SMAD9: variants seen among roughly 807,000 people sequenced by gnomAD.
The protein encoded by SMAD9 is SMAD family member 9, also known as MAD homolog 9.
SMAD9 carries 36 observed loss-of-function variants against 46.1 expected under a neutral mutation model. The ratio of observed to expected loss-of-function variants is 0.78; its 90% confidence interval spans 0.60 to 1.03. The LOEUF is 1.03. Ranked by LOEUF, SMAD9 falls within the 50% of genes least tolerant of loss-of-function variation. The pLI, the probability that SMAD9 is intolerant of heterozygous loss-of-function variation, is 0.00. For synonymous variants in SMAD9, 245 were observed against 237.1 expected (o/e 1.03, Z -0.31); for missense variants, 572 against 599.8 (o/e 0.95, Z 0.48).
chr13:36,876,149 C>T (rs519447), intron 2 of SMAD9, among the ~76,000 whole-genome samples: 16,180 of 152,160 alleles, frequency 0.11, 2,342 homozygotes, highest in African/African-American at 0.32. Context: ...CACTTTTAAA[C>T]ACCATGCTAT....
chr13:36,874,886 T>C (rs1049024017), intron 2 of SMAD9, among the ~76,000 whole-genome samples: 1 of 123,408 alleles, frequency 8.1e-6, no homozygotes, highest in Non-Finnish European at 1.9e-5. Context: ...AAAATACATA[T>C]ATATATATGT....
At chr13:36,889,600 T>C (rs1213820327) in intron 1 of SMAD9, among the ~76,000 whole-genome samples, 1 of 152,230 alleles carries the variant, frequency 6.6e-6, no homozygotes, top group Non-Finnish European at 1.5e-5. Flanking sequence ...ATTGAAATTT[T>C]ATGTATACAC....
chr13:36,894,898 G>C (rs1432278973), intron 1 of SMAD9, among the ~76,000 whole-genome samples: 1 of 152,060 alleles, frequency 6.6e-6, no homozygotes, highest in Non-Finnish European at 1.5e-5. Flanking sequence ...CACACCCCAA[G>C]AACACTACTT....
At chr13:36,885,357 C>A (rs1249603153) in intron 1 of SMAD9, among the ~76,000 whole-genome samples, 2 of 151,918 alleles carry the variant, frequency 1.3e-5, no homozygotes, top group Non-Finnish European at 2.9e-5. Context: ...TATTACCGTA[C>A]AACTTGAGAA....
At chr13:36,875,459 T>C (rs1316000152) in intron 2 of SMAD9, among the ~76,000 whole-genome samples, 1 of 152,218 alleles carries the variant, frequency 6.6e-6, no homozygotes, top group Non-Finnish European at 1.5e-5. Context: ...ATTGTATACG[T>C]ATGCTGCCTT....
intron 1 of SMAD9, among the ~76,000 whole-genome samples, chr13:36,895,274 G>A (rs1460797737): frequency 6.6e-6 from 1 of 152,130 alleles, no homozygotes; most frequent in Non-Finnish European, 1.5e-5. Flanking sequence ...ATGACTAAGA[G>A]GAAACCCCTT....
chr13:36,855,943 C>G (rs77888569), intron 5 of SMAD9, among the ~76,000 whole-genome samples: 71 of 152,302 alleles, frequency 4.7e-4, no homozygotes, highest in African/African-American at 1.7e-3. Flanking sequence ...GGCTCCCCTT[C>G]TCCGCTTCCC....
At chr13:36,905,970 C>G (rs182553730) in intron 1 of SMAD9, among the ~76,000 whole-genome samples, 2 of 151,978 alleles carry the variant, frequency 1.3e-5, no homozygotes, top group African/African-American at 4.8e-5. Context: ...TGCGCCTGGA[C>G]GAAAATTCTT....
At chr13:36,898,447 A>G (rs1214288868) in intron 1 of SMAD9, among the ~76,000 whole-genome samples, 1 of 151,630 alleles carries the variant, frequency 6.6e-6, no homozygotes, top group African/African-American at 2.4e-5. Flanking sequence ...AAAATCTTAT[A>G]AGATATTAGA....
chr13:36,859,748 G>T (rs1289620365), intron 5 of SMAD9, among the ~76,000 whole-genome samples: 1 of 152,128 alleles, frequency 6.6e-6, no homozygotes, highest in Non-Finnish European at 1.5e-5. Flanking sequence ...ATTGCCGGAG[G>T]TCGGGAGTTT....
chr13:36,902,044 A>T (rs1168303124), intron 1 of SMAD9, among the ~76,000 whole-genome samples: 1 of 152,302 alleles, frequency 6.6e-6, no homozygotes, highest in Middle Eastern at 3.4e-3. Flanking sequence ...CTGGTATCCT[A>T]AGAATCTATT....
chr13:36,911,115 C>T (rs1173135662), intron 1 of SMAD9, among the ~76,000 whole-genome samples: 1 of 152,152 alleles, frequency 6.6e-6, no homozygotes, highest in Admixed American at 6.5e-5. Flanking sequence ...AATAGATCCT[C>T]CCCCTGCAGC....
chr13:36,865,674 A>T lies in SMAD9; in HGVS notation c.866T>A (p.Phe289Tyr). The change falls in exon 5 of 7, where the codon TTC becomes TAC. Residue 289 changes from phenylalanine (F) to tyrosine (Y), a missense_variant. Transcript: ENST00000379826. ...GAGCACACTTCGGGAGGAAGCCTGG[A>T]ATGTCTCCCCAACTCGGTTGTTCAG... ...YELNNRVGET[F>Y]QASSRSVLID... 1 of 1,614,146 alleles carries T rather than the reference A, an allele frequency of 6.2e-7. No individual in the cohort carries two copies. The highest frequency in any genetic ancestry group is 1.3e-5 in the African/African-American group (1 of 75,030).
At chr13:36,862,436 A>T (rs2058191513) in intron 5 of SMAD9, among the ~76,000 whole-genome samples, 7 of 152,110 alleles carry the variant, frequency 4.6e-5, no homozygotes, top group Admixed American at 4.6e-4. Context: ...TCAGCATGCT[A>T]AAAGACACTC....
Position 36,872,845 on chromosome 13 carries a change from G to A in SMAD9, c.483C>T (p.Arg161=), listed in dbSNP as rs779804002. The change falls in exon 3 of 7, where the codon CGC becomes CGT. Residue 161 remains arginine, a synonymous_variant. Transcript: ENST00000379826. The stretch of plus-strand genomic sequence containing the variant: ...GTGGCTCACTGTGCAGGGAGGCGCT[G>A]CGGAACTTGGCCAGGAGGCTGAGCT... The part of the protein sequence containing the change: ...NPQLSLLAKF[R]SASLHSEPLM... 1.1e-5 allele frequency: 17 copies of A among 1,614,000 alleles called. No individual in the cohort carries two copies. Among genetic ancestry groups the A allele is most frequent in the Middle Eastern group, 1.6e-4 (1 of 6,084 alleles).
chr13:36,883,740 G>C (rs1250185904), intron 1 of SMAD9, among the ~76,000 whole-genome samples: 3 of 152,168 alleles, frequency 2.0e-5, no homozygotes, highest in Non-Finnish European at 1.5e-5. Context: ...AACAGAGAGA[G>C]ACCCTGTCTC....
chr13:36,854,620 C>T (rs2058105746), intron 5 of SMAD9, among the ~76,000 whole-genome samples: 1 of 152,172 alleles, frequency 6.6e-6, no homozygotes, highest in African/African-American at 2.4e-5. Flanking sequence ...AATCCACCCG[C>T]CTCGGCCTCC....
intron 1 of SMAD9, among the ~76,000 whole-genome samples, chr13:36,902,133 G>T (rs1414162093): frequency 1.3e-5 from 2 of 151,874 alleles, no homozygotes; most frequent in Non-Finnish European, 2.9e-5. Flanking sequence ...TTAGGTTATT[G>T]ATCATTTTCA....
chr13:36,870,506 A>T (rs2058280752), intron 3 of SMAD9, among the ~76,000 whole-genome samples: 1 of 151,458 alleles, frequency 6.6e-6, no homozygotes, highest in Non-Finnish European at 1.5e-5. Context: ...TTCCAACCCC[A>T]TATCCCTGTT....
Sources: gnomAD v4.1 joint callset for allele counts (sites outside exome capture counted in the v4.1 genomes callset) on GRCh38, gnomAD v4.1.1 for gene constraint, MANE v1.5 for transcripts, NCBI Gene and HGNC (gene_info 2026-07-23, HGNC 2026-07-21) for gene names.